Variants in TMC1 observed in about 807,000 individuals in gnomAD.
TMC1 encodes the protein transmembrane channel-like protein 1.
In TMC1, 84 loss-of-function variants were observed where a neutral mutation model predicts 105.8. That is an observed-to-expected ratio of 0.79 (90% confidence interval 0.67 to 0.95). TMC1 has a LOEUF of 0.95. TMC1 is among the 40% of genes least tolerant of loss of function. The pLI is 0.00. For missense variants in TMC1, 817 were observed against 914.1 expected (o/e 0.89, Z 1.37); for synonymous variants, 315 against 311.5 (o/e 1.01, Z -0.12).
intron 4 of TMC1, among the ~76,000 whole-genome samples, chr9:72,644,934 T>C (rs191680766): frequency 6.6e-6 from 1 of 152,262 alleles, no homozygotes; most frequent in Non-Finnish European, 1.5e-5. Context: ...TGAATTCTGA[T>C]AAAATTGAAG....
intron 2 of TMC1, among the ~76,000 whole-genome samples, chr9:72,603,825 G>A (rs1390057872): frequency 6.8e-6 from 1 of 147,590 alleles, no homozygotes; most frequent in African/African-American, 2.5e-5. Flanking sequence ...TGGGATTACA[G>A]GTGTGAGCCA....
At chr9:72,713,087 C>T (rs1826861934) in intron 8 of TMC1, among the ~76,000 whole-genome samples, 1 of 152,122 alleles carries the variant, frequency 6.6e-6, no homozygotes, top group Admixed American at 6.5e-5. Context: ...TATTGATTCG[C>T]ATATGTTGAA....
chr9:72,529,714 GA>G (rs1823466270), intron 1 of TMC1, among the ~76,000 whole-genome samples: 1 of 151,494 alleles, frequency 6.6e-6, no homozygotes, highest in Admixed American at 6.6e-5. Flanking sequence ...CTGCCTTTGG[GA>G]AAAAGTGACA....
intron 8 of TMC1, among the ~76,000 whole-genome samples, chr9:72,702,176 A>C (rs1053152837): frequency 3.3e-5 from 5 of 152,214 alleles, no homozygotes; most frequent in African/African-American, 1.2e-4. Flanking sequence ...AACTTCAGAT[A>C]ACTATATATA....
intron 5 of TMC1, among the ~76,000 whole-genome samples, chr9:72,685,032 G>A (rs1826352453): frequency 6.6e-6 from 1 of 150,948 alleles, no homozygotes; most frequent in South Asian, 2.1e-4. Flanking sequence ...ATACATTGCT[G>A]TTGCAGCTTA....
At chr9:72,746,361 T>C (rs1478787122) in intron 10 of TMC1, among the ~76,000 whole-genome samples, 2 of 152,202 alleles carry the variant, frequency 1.3e-5, no homozygotes, top group African/African-American at 4.8e-5. Context: ...TCTACCCTCA[T>C]TGATCTTACA....
intron 1 of TMC1, among the ~76,000 whole-genome samples, chr9:72,537,907 CTTT>C (rs1823609843): frequency 6.6e-6 from 1 of 152,052 alleles, no homozygotes; most frequent in Non-Finnish European, 1.5e-5. Context: ...AATCCTAGCA[CTTT>C]TAGGAGGCTG....
chr9:72,547,286 C>A (rs1478184011), intron 1 of TMC1, among the ~76,000 whole-genome samples: 407 of 114,718 alleles, frequency 3.5e-3, no homozygotes, highest in South Asian at 4.7e-3. Context: ...GACTCCTTCT[C>A]AAAAAAAAAA....
rs1342057143 is a variant in TMC1 at position 72,837,202 on chromosome 9, G to A, written c.*1229G>A. 6.6e-6 allele frequency: 1 copy of A among 152,220 alleles called. No homozygotes were observed. Among genetic ancestry groups the A allele is most frequent in the Non-Finnish European group, 1.5e-5 (1 of 68,066 alleles). The allele number at this position is 152,220 out of a possible 1,614,324, so 9.4% of individuals were successfully genotyped here. A position where few individuals can be genotyped will look rare whatever the true frequency, so the allele number is the denominator to read the frequency against. On this transcript the variant is annotated 3_prime_UTR_variant, in exon 24 of 24. Transcript: ENST00000297784. ...TTTTCCCTTACCATCCAGCGTTCCT[G>A]GAGGAAGGTCATATACTAGTTAAAC...
intron 1 of TMC1, among the ~76,000 whole-genome samples, chr9:72,567,667 C>T (rs1824189361): frequency 1.3e-5 from 2 of 152,086 alleles, no homozygotes; most frequent in South Asian, 2.1e-4. Flanking sequence ...CCCCATGATC[C>T]GATTGCCTCT....
At chr9:72,741,342 T>C (rs769581179) in intron 9 of TMC1, 4 of 359,646 alleles carry the variant, frequency 1.1e-5, no homozygotes, top group Non-Finnish European at 2.1e-5. Context: ...CCTTTTCTTA[T>C]GCTTATTCTT....
chr9:72,722,020 C>T (rs1442116020), intron 8 of TMC1, among the ~76,000 whole-genome samples: 1 of 152,178 alleles, frequency 6.6e-6, no homozygotes, highest in Admixed American at 6.5e-5. Flanking sequence ...TCATTAATTA[C>T]TGATGATGAC....
At chr9:72,555,193 GT>G (rs35020451) in intron 1 of TMC1, among the ~76,000 whole-genome samples, 6,452 of 130,444 alleles carry the variant, frequency 0.049, 103 homozygotes, top group African/African-American at 0.077. Context: ...TTTTGATTCT[GT>G]TTTTTTTTTT....
At chr9:72,746,458 A>T (rs1277944884) in intron 10 of TMC1, among the ~76,000 whole-genome samples, 1 of 152,226 alleles carries the variant, frequency 6.6e-6, no homozygotes, top group Non-Finnish European at 1.5e-5. Context: ...TGTGGATTGT[A>T]GTAAGTGGCA....
At chr9:72,720,711 C>A (rs1827007700) in intron 8 of TMC1, among the ~76,000 whole-genome samples, 2 of 152,186 alleles carry the variant, frequency 1.3e-5, no homozygotes, top group Non-Finnish European at 2.9e-5. Context: ...CTGGATGACA[C>A]CAATGGCTGG....
chr9:72,792,193 T>G lies in TMC1; in HGVS notation c.1407T>G (p.Ile469Met). Residue 469 changes from isoleucine to methionine, a missense_variant and splice_region_variant, in exon 17 of 24, where the codon ATT becomes ATG. Ile to Met is a conservative substitution (Grantham distance 10). Coordinates refer to ENST00000297784, the MANE Select transcript of TMC1 (RefSeq NM_138691.3). ...LALMDEINNKIEEEKLVKANI... is the reference protein window; with the variant it reads ...LALMDEINNKMEEEKLVKANI... Reference sequence around the variant, plus strand: ...GTTTCTATCTCTTTGCTTTCTAGATTGAAGAGGAGAAGCTAGTAAAGGCCA... The same window carrying G: ...GTTTCTATCTCTTTGCTTTCTAGATGGAAGAGGAGAAGCTAGTAAAGGCCA... The G allele has an allele frequency of 1.9e-6, 3 of 1,614,156 alleles. No individual in the cohort carries two copies.
intron 2 of TMC1, among the ~76,000 whole-genome samples, chr9:72,588,464 G>A (rs1824587040): frequency 6.6e-6 from 1 of 152,166 alleles, no homozygotes; most frequent in South Asian, 2.1e-4. Context: ...AGTGGATGCT[G>A]GCTGTAGACA....
intron 10 of TMC1, among the ~76,000 whole-genome samples, chr9:72,748,860 T>C (rs1331337422): frequency 6.6e-6 from 1 of 152,236 alleles, no homozygotes; most frequent in Non-Finnish European, 1.5e-5. Context: ...GAAGAAACTT[T>C]GTCTTCTGGA....
intron 1 of TMC1, among the ~76,000 whole-genome samples, chr9:72,524,515 A>G (rs1823372290): frequency 6.6e-6 from 1 of 152,200 alleles, no homozygotes; most frequent in African/African-American, 2.4e-5. Context: ...CAAGGATGCG[A>G]TCTCATTTGA....
Sources: gnomAD v4.1 joint callset for allele counts (sites outside exome capture counted in the v4.1 genomes callset) on GRCh38, gnomAD v4.1.1 for gene constraint, MANE v1.5 for transcripts, NCBI Gene and HGNC (gene_info 2026-07-23, HGNC 2026-07-21) for gene names.